Variants in SMCO2 observed in about 807,000 individuals in gnomAD.
SMCO2 encodes single-pass membrane protein with coiled-coil domains 2.
A neutral mutation model predicts 29.5 loss-of-function variants in SMCO2; 25 were observed. The ratio of observed to expected loss-of-function variants is 0.85; its 90% confidence interval spans 0.62 to 1.18. SMCO2 has a LOEUF of 1.18. Among genes scored for constraint, SMCO2 ranks in the 50% most tolerant of loss-of-function variants. The pLI is 0.00. For missense variants in SMCO2, 348 were observed against 344.5 expected (o/e 1.01, Z -0.08); for synonymous variants, 117 against 123.3 (o/e 0.95, Z 0.34).
At chr12:27,502,084 T>A in exon 8 of SMCO2, 1 of 1,543,566 alleles carries the variant, frequency 6.5e-7, no homozygotes, top group East Asian at 2.4e-5. Flanking sequence ...AGAGAGCCTT[T>A]CTTGAATTTG....
At chr12:27,472,834 G>T (rs1949552543) in exon 3 of SMCO2, 1 of 1,550,772 alleles carries the variant, frequency 6.4e-7, no homozygotes, top group Non-Finnish European at 8.7e-7. Context: ...TGATGAGGAT[G>T]ACATTTCCTC....
At chr12:27,485,387 T>C (rs934228167) in intron 4 of SMCO2, among the ~76,000 whole-genome samples, 25 of 151,848 alleles carry the variant, frequency 1.6e-4, no homozygotes, top group African/African-American at 5.3e-4. Flanking sequence ...ACTTTTAAAA[T>C]AACCTTATCT....
At chr12:27,492,311 T>G (rs306644) in intron 5 of SMCO2, among the ~76,000 whole-genome samples, 5,012 of 152,332 alleles carry the variant, frequency 0.033, 287 homozygotes, top group African/African-American at 0.11. Flanking sequence ...TTTATTTTGT[T>G]GGATATTTGG....
At chr12:27,432,302 G>C in the SMCO2 span, among the ~76,000 whole-genome samples, 1 of 152,042 alleles carries the variant, frequency 6.6e-6, no homozygotes, top group East Asian at 1.9e-4. Context: ...TTTGTTGCTT[G>C]TGCTTTTGGT....
exon 4 of SMCO2, chr12:27,474,841 A>G: frequency 6.4e-7 from 1 of 1,551,686 alleles, no homozygotes; most frequent in Non-Finnish European, 8.7e-7. Flanking sequence ...CAGGATAAGC[A>G]AGAAACAGAT....
chr12:27,441,242 G>A, the SMCO2 span, among the ~76,000 whole-genome samples: 1 of 152,180 alleles, frequency 6.6e-6, no homozygotes, highest in Non-Finnish European at 1.5e-5. Flanking sequence ...CTGGGCAACA[G>A]AGTAAGACTC....
At chr12:27,428,064 A>G in the SMCO2 span, among the ~76,000 whole-genome samples, 1 of 152,318 alleles carries the variant, frequency 6.6e-6, no homozygotes, top group East Asian at 1.9e-4. Context: ...GGGTGACACC[A>G]GTTGGTTCAT....
At chr12:27,452,939 T>G in the SMCO2 span, among the ~76,000 whole-genome samples, 1 of 152,210 alleles carries the variant, frequency 6.6e-6, no homozygotes, top group East Asian at 1.9e-4. Flanking sequence ...GCTTTCTTCC[T>G]AGGCCCATGG....
chr12:27,475,470 T>C (rs1949577629), intron 4 of SMCO2, 112 bp from the exon 5 acceptor site: 34 of 1,204,528 alleles, frequency 2.8e-5, no homozygotes, highest in Non-Finnish European at 3.5e-5. Context: ...CCCATTTTGG[T>C]GACAAGGAAG....
At chr12:27,484,878 A>G (rs1303259351) in intron 4 of SMCO2, among the ~76,000 whole-genome samples, 1 of 111,776 alleles carries the variant, frequency 8.9e-6, no homozygotes, top group Non-Finnish European at 1.6e-5. Flanking sequence ...AAAAATATAT[A>G]TATATATATA....
chr12:27,430,310 G>A, the SMCO2 span, among the ~76,000 whole-genome samples: 1,126 of 152,218 alleles, frequency 7.4e-3, 5 homozygotes, highest in Non-Finnish European at 0.011. Context: ...TTATGTGATA[G>A]TATATCACTT....
the SMCO2 span, among the ~76,000 whole-genome samples, chr12:27,435,541 C>T: frequency 6.6e-6 from 1 of 150,838 alleles, no homozygotes; most frequent in Non-Finnish European, 1.5e-5. Context: ...CTCTCTCTCT[C>T]TCTCCCCCCC....
chr12:27,490,573 A>G (rs749202305), intron 5 of SMCO2, among the ~76,000 whole-genome samples: 4 of 152,312 alleles, frequency 2.6e-5, no homozygotes, highest in Admixed American at 6.5e-5. Context: ...CAAGAAGCCT[A>G]CAGTCTGATA....
the SMCO2 span, among the ~76,000 whole-genome samples, chr12:27,439,724 C>T: frequency 6.6e-6 from 1 of 151,932 alleles, no homozygotes; most frequent in Admixed American, 6.6e-5. Flanking sequence ...TCTAGAGGCT[C>T]TCAACAGCAA....
rs1056538235 is a variant in SMCO2, at chr12:27,475,751, G to A, written c.362+838G>A. Reference sequence around the variant, plus strand: ...GAAGAGGTAATTGTAGGGTGTTGGGGTTGGTCATAAAATAGCAGAAAGTTT... The same window carrying A: ...GAAGAGGTAATTGTAGGGTGTTGGGATTGGTCATAAAATAGCAGAAAGTTT... On this transcript the variant is annotated intron_variant, in intron 4 of 7. Coordinates refer to ENST00000298876, the Ensembl canonical transcript of SMCO2. 1.1e-5 allele frequency: 16 copies of A among 1,480,780 alleles called. No individual in the cohort carries two copies. Among genetic ancestry groups the A allele is most frequent in the Non-Finnish European group, 1.4e-5 (16 of 1,119,144 alleles). 91.7% of individuals were successfully genotyped at this position (1,480,780 alleles called of 1,614,324 possible).
At chr12:27,468,933 T>C (rs968630490) in intron 1 of SMCO2, among the ~76,000 whole-genome samples, 2 of 152,192 alleles carry the variant, frequency 1.3e-5, no homozygotes, top group Non-Finnish European at 2.9e-5. Flanking sequence ...TAAGCCATTG[T>C]TAGGATTCTA....
the SMCO2 span, among the ~76,000 whole-genome samples, chr12:27,434,633 A>G: frequency 3.3e-5 from 5 of 152,200 alleles, no homozygotes; most frequent in Non-Finnish European, 7.3e-5. Flanking sequence ...CTGGATTTAG[A>G]CAATTAGTTT....
upstream of SMCO2, among the ~76,000 whole-genome samples, chr12:27,464,362 C>A (rs1949480772): frequency 6.6e-6 from 1 of 151,990 alleles, no homozygotes; most frequent in Non-Finnish European, 1.5e-5. Context: ...TGGGAAGGAG[C>A]TGAGGAAGAC....
chr12:27,433,462 C>T, the SMCO2 span, among the ~76,000 whole-genome samples: 1 of 151,542 alleles, frequency 6.6e-6, no homozygotes, highest in African/African-American at 2.4e-5. Context: ...GGCATCTGCT[C>T]TAGAGATGGG....
Sources: gnomAD v4.1 joint callset for allele counts (sites outside exome capture counted in the v4.1 genomes callset) on GRCh38, gnomAD v4.1.1 for gene constraint, MANE v1.5 for transcripts, NCBI Gene and HGNC (gene_info 2026-07-23, HGNC 2026-07-21) for gene names.